Variants in ELOVL6 observed in about 807,000 individuals in gnomAD.
ELOVL6 encodes the protein ELOVL fatty acid elongase 6.
In ELOVL6, 8 loss-of-function variants were observed where a neutral mutation model predicts 31.7. The observed-to-expected ratio is 0.25, with a 90% CI of 0.15 to 0.45. The LOEUF (loss-of-function observed/expected upper bound fraction) is 0.45, where lower values mean the gene tolerates loss of function less well. Among genes scored for constraint, ELOVL6 ranks in the 20% least tolerant of loss-of-function variants. The probability of loss-of-function intolerance (pLI) is 1.00; values close to 1 mark genes in which losing one functional copy is unlikely to be tolerated. For synonymous variants in ELOVL6, 101 were observed against 117.7 expected (o/e 0.86, Z 0.92); for missense variants, 126 against 326.4 (o/e 0.39, Z 4.73).
chr4:110,148,532 C>T (rs530900206), intron 1 of ELOVL6, among the ~76,000 whole-genome samples: 16 of 151,296 alleles, frequency 1.1e-4, no homozygotes, highest in South Asian at 8.4e-4. Flanking sequence ...TGGGCACATA[C>T]GTAAAAAAAT....
chr4:110,081,064 T>C (rs1339839014), intron 2 of ELOVL6, among the ~76,000 whole-genome samples: 3 of 152,120 alleles, frequency 2.0e-5, no homozygotes, highest in East Asian at 1.9e-4. Context: ...CAAGGAGAAC[T>C]ACAAACCACT....
chr4:110,090,547 A>G (rs1225383884), intron 2 of ELOVL6, among the ~76,000 whole-genome samples: 1 of 149,914 alleles, frequency 6.7e-6, no homozygotes, highest in Non-Finnish European at 1.5e-5. Flanking sequence ...GCTCCTCCTC[A>G]TTAGGGCCAC....
chr4:110,051,248 C>T lies in ELOVL6; in HGVS notation c.*90G>A. ...TTGCTCATGTTTTGTTTTGTTTTAG[C>T]TGCACCACGTGTGATTCCTTGTGCC... On this transcript the variant is annotated 3_prime_UTR_variant, in exon 4 of 4. Coordinates refer to ENST00000302274, the MANE Select transcript of ELOVL6 (RefSeq NM_024090.3). The surrounding 1 kb of genome is among the most constrained non-coding windows in gnomAD (Gnocchi z 4.8). 1 of 1,350,794 alleles carries T rather than the reference C, an allele frequency of 7.4e-7. No individual in the cohort carries two copies. The highest frequency in any genetic ancestry group is 1.0e-6 in the Non-Finnish European group (1 of 976,966). 83.7% of individuals were successfully genotyped at this position (1,350,794 alleles called of 1,614,324 possible).
intron 1 of ELOVL6, among the ~76,000 whole-genome samples, chr4:110,192,462 A>C (rs537411378): frequency 6.6e-6 from 1 of 152,300 alleles, no homozygotes; most frequent in East Asian, 1.9e-4. Flanking sequence ...ATTTAGAATC[A>C]CCCTCAAACA....
intron 2 of ELOVL6, among the ~76,000 whole-genome samples, chr4:110,069,003 G>A (rs1307408585): frequency 2.0e-5 from 3 of 151,976 alleles, no homozygotes; most frequent in East Asian, 1.9e-4. Context: ...TTAGCTGGGC[G>A]TGGTGGCAGC....
chr4:110,123,795 T>C (rs1489482963), intron 1 of ELOVL6, among the ~76,000 whole-genome samples: 1 of 152,214 alleles, frequency 6.6e-6, no homozygotes, highest in Non-Finnish European at 1.5e-5. Context: ...GAGATGTCAT[T>C]TGAGCATGTA....
At chr4:110,192,206 A>AG (rs1464499510) in intron 1 of ELOVL6, among the ~76,000 whole-genome samples, 7 of 149,368 alleles carry the variant, frequency 4.7e-5, no homozygotes, top group African/African-American at 1.7e-4. Flanking sequence ...AAAAAAAAAA[A>AG]GAAAGAAAGA....
Position 110,105,514 on chromosome 4 carries a change from C to T in ELOVL6, c.204G>A (p.Leu68=), listed in dbSNP as rs552227471. ...AAACCTACCTGAAGACTGCAAGGGTCAGAGACCAGAGCACTAATGGCTTCC... is the reference window on the plus strand; with the variant it reads ...AAACCTACCTGAAGACTGCAAGGGTTAGAGACCAGAGCACTAATGGCTTCC... ...ELRKPLVLWS[L]TLAVFSIFGA... Residue 68 remains leucine (L), a synonymous_variant, in exon 2 of 4, where the codon CTG becomes CTA. Transcript: ENST00000302274. The T allele has an allele frequency of 6.2e-7, 1 of 1,613,302 alleles. No homozygotes were observed. Among genetic ancestry groups the T allele is most frequent in the African/African-American group, 1.3e-5 (1 of 74,978 alleles).
chr4:110,184,927 A>G (rs998104305), intron 1 of ELOVL6, among the ~76,000 whole-genome samples: 1 of 152,200 alleles, frequency 6.6e-6, no homozygotes. Flanking sequence ...AAGGTTTTTC[A>G]CAGTAACACT....
chr4:110,149,907 G>A (rs954319326), intron 1 of ELOVL6, among the ~76,000 whole-genome samples: 2 of 152,128 alleles, frequency 1.3e-5, no homozygotes, highest in African/African-American at 4.8e-5. Context: ...ATAGATTTTT[G>A]AGAGCGTAAA....
At chr4:110,155,539 TTATC>T (rs1758391106) in intron 1 of ELOVL6, among the ~76,000 whole-genome samples, 1 of 152,214 alleles carries the variant, frequency 6.6e-6, no homozygotes, top group African/African-American at 2.4e-5. Flanking sequence ...ATATCAGAAT[TTATC>T]TATGCGATTG....
chr4:110,140,630 T>A (rs1314164704), intron 1 of ELOVL6, among the ~76,000 whole-genome samples: 1 of 151,958 alleles, frequency 6.6e-6, no homozygotes, highest in Non-Finnish European at 1.5e-5. Context: ...GATAATACTT[T>A]TTATGAATTC....
chr4:110,051,427 G>C lies in ELOVL6; in HGVS notation c.709C>G (p.Leu237Val), dbSNP rs375827628. The change falls in exon 4 of 4, where the codon CTC (leucine) becomes GTC (valine). Residue 237 changes from leucine to valine, a missense_variant. Coordinates refer to ENST00000302274, the MANE Select transcript of ELOVL6 (RefSeq NM_024090.3). This position sits in a 1 kb window ranked among gnomAD's most constrained non-coding sequence, Gnocchi z 4.8. ...AGCACAAGGTAGCTGAGGTACATGA[G>C]TGAGGACCAGAAGATGTTCTGAAAG... ...SHFQNIFWSS[L>V]MYLSYLVLFC... is the part of the protein sequence containing the mutation. 4 of 1,614,222 alleles carry C rather than the reference G, an allele frequency of 2.5e-6. No individual in the cohort carries two copies. In the South Asian group the frequency reaches 4.4e-5, roughly 18 times the overall value.
At chr4:110,114,658 G>A (rs1261816618) in intron 1 of ELOVL6, among the ~76,000 whole-genome samples, 1 of 152,142 alleles carries the variant, frequency 6.6e-6, no homozygotes, top group African/African-American at 2.4e-5. Flanking sequence ...ACTTAGAGTT[G>A]AATATAAAAA....
At chr4:110,159,685 C>T (rs1411434917) in intron 1 of ELOVL6, among the ~76,000 whole-genome samples, 1 of 152,150 alleles carries the variant, frequency 6.6e-6, no homozygotes, top group African/African-American at 2.4e-5. Context: ...CACATTAACA[C>T]ATGAGACGTT....
chr4:110,070,624 T>C (rs773195516), intron 2 of ELOVL6, among the ~76,000 whole-genome samples: 1 of 152,194 alleles, frequency 6.6e-6, no homozygotes, highest in Non-Finnish European at 1.5e-5. Context: ...ATCCCCAGTG[T>C]TGGAGGAGGG....
chr4:110,172,211 G>A (rs1758969428), intron 1 of ELOVL6, among the ~76,000 whole-genome samples: 1 of 152,114 alleles, frequency 6.6e-6, no homozygotes, highest in Non-Finnish European at 1.5e-5. Flanking sequence ...CAAGCAGATA[G>A]TGTCAAAATT....
At chr4:110,129,810 C>T (rs1056222150) in intron 1 of ELOVL6, among the ~76,000 whole-genome samples, 5 of 151,404 alleles carry the variant, frequency 3.3e-5, no homozygotes, top group African/African-American at 9.7e-5. Flanking sequence ...CTCTAGACGT[C>T]TGTTGAGTGA....
intron 1 of ELOVL6, among the ~76,000 whole-genome samples, chr4:110,109,512 C>G (rs999563909): frequency 6.6e-6 from 1 of 152,108 alleles, no homozygotes; most frequent in African/African-American, 2.4e-5. Context: ...TGGATCTATC[C>G]TTAGAAATCT....
Sources: allele counts gnomAD v4.1 joint callset (sites outside exome capture counted in the v4.1 genomes callset), GRCh38; gene constraint gnomAD v4.1.1; non-coding constraint Gnocchi (gnomAD v3.1); transcripts MANE v1.5; gene names NCBI Gene and HGNC (gene_info 2026-07-23, HGNC 2026-07-21).